The following ARSJ variants were observed in gnomAD, a reference collection of about 807,000 sequenced individuals.
The protein encoded by ARSJ is arylsulfatase family member J.
ARSJ carries 26 observed loss-of-function variants against 35.9 expected under a neutral mutation model. That is an observed-to-expected ratio of 0.72 (90% CI 0.53 to 1.00). The LOEUF (loss-of-function observed/expected upper bound fraction) is 1.00. Ranked by LOEUF, ARSJ falls within the 50% of genes least tolerant of loss-of-function variation. The probability of loss-of-function intolerance (pLI) is 0.00; values close to 1 mark genes in which losing one functional copy is unlikely to be tolerated. For missense variants in ARSJ, 667 were observed against 723.6 expected (o/e 0.92, Z 0.90); for synonymous variants, 294 against 267.6 (o/e 1.10, Z -0.96).
At chr4:113,904,725 G>A (rs1190217412) in intron 1 of ARSJ, among the ~76,000 whole-genome samples, 2 of 152,090 alleles carry the variant, frequency 1.3e-5, no homozygotes, top group East Asian at 3.9e-4. Flanking sequence ...TCCTGACCTC[G>A]TGATCCGCCC....
In ARSJ at chr4:113,902,965, A is replaced by G. The variant is rs1358232842; in HGVS notation, c.1109T>C (p.Val370Ala). 6.2e-7 allele frequency: 1 copy of G among 1,613,980 alleles called. No homozygotes were observed. Among genetic ancestry groups the G allele is most frequent in the East Asian group, 2.2e-5 (1 of 44,884 alleles). Residue 370 changes from valine to alanine, a missense_variant, in exon 2 of 2, where the codon GTG becomes GCG. By Grantham distance (64) the Val-to-Ala change is moderately conservative (BLOSUM62 0). Coordinates refer to ENST00000315366, the MANE Select transcript of ARSJ (RefSeq NM_024590.4). ...AGTGATGTGCACAAGTTCCTTACAC[A>G]CTGTTCCCTTGTTTTTCAGAAGTGG... ...HSPLLKNKGT[V>A]CKELVHITDW...
chr4:113,978,717 T>G lies in ARSJ; in HGVS notation c.118A>C (p.Thr40Pro), dbSNP rs565198570. The change falls in exon 1 of 2, where the codon ACT (threonine) becomes CCT (proline). Residue 40 changes from threonine (T) to proline (P), a missense_variant. Physicochemically the swap from Thr to Pro is conservative, Grantham distance 38. Transcript: ENST00000315366. ...TGGCCCCAGGACAGGTAACCATAAGTGAGGAGGCAGAGGATCCAGAATCCT... is the reference window on the plus strand; with the variant it reads ...TGGCCCCAGGACAGGTAACCATAAGGGAGGAGGCAGAGGATCCAGAATCCT... The part of the protein sequence containing the change: ...LAGFWILCLL[T>P]YGYLSWGQAL... The G allele has an allele frequency of 4.3e-6, 7 of 1,614,176 alleles. No individual in the cohort carries two copies. The South Asian group carries it at 4.4e-5, about 10-fold the overall frequency.
Position 113,901,869 on chromosome 4 carries a change from C to T in ARSJ, c.*405G>A. 2.6e-5 allele frequency: 1 copy of T among 38,036 alleles called. No individual in the cohort carries two copies. 2.4% of individuals were successfully genotyped at this position (38,036 alleles called of 1,614,324 possible). A position where few individuals can be genotyped will look rare whatever the true frequency, so the allele number is the denominator to read the frequency against. ...TTTAATCATGCTACCCTGTAACTTC[C>T]ATCAAATTAGCATGCTTGCGGATGG... On this transcript the variant is annotated 3_prime_UTR_variant, in exon 2 of 2. Transcript: ENST00000315366.
chr4:113,948,066 G>A (rs1332706291), intron 1 of ARSJ, among the ~76,000 whole-genome samples: 1 of 152,054 alleles, frequency 6.6e-6, no homozygotes, highest in African/African-American at 2.4e-5. Context: ...GTGCACACAT[G>A]TAGTTCCAGC....
At chr4:113,937,431 T>A (rs1016042874) in intron 1 of ARSJ, among the ~76,000 whole-genome samples, 1 of 152,022 alleles carries the variant, frequency 6.6e-6, no homozygotes, top group Non-Finnish European at 1.5e-5. Flanking sequence ...ACAGTCAATA[T>A]CATACTGAAT....
chr4:113,937,574 C>T (rs1172537109), intron 1 of ARSJ, among the ~76,000 whole-genome samples: 4 of 151,942 alleles, frequency 2.6e-5, no homozygotes, highest in South Asian at 2.1e-4. Context: ...AAAGTGTATT[C>T]GTATAGAAAC....
At chr4:113,912,511 A>G (rs887007080) in intron 1 of ARSJ, among the ~76,000 whole-genome samples, 8 of 152,166 alleles carry the variant, frequency 5.3e-5, no homozygotes, top group African/African-American at 1.9e-4. Flanking sequence ...GGAAAAAAAA[A>G]GAATATGGTG....
intron 1 of ARSJ, among the ~76,000 whole-genome samples, chr4:113,912,615 T>C (rs745659889): frequency 1.3e-5 from 2 of 152,124 alleles, no homozygotes; most frequent in Non-Finnish European, 2.9e-5. Context: ...ATTATTACAT[T>C]TTTACAAAAA....
chr4:113,909,175 GT>G (rs1276620369), intron 1 of ARSJ, among the ~76,000 whole-genome samples: 3 of 152,104 alleles, frequency 2.0e-5, no homozygotes, highest in Non-Finnish European at 4.4e-5. Context: ...TTCTAGATTT[GT>G]TGCTTTTATA....
In ARSJ at chr4:113,903,454, T is replaced by G. The variant is rs763826673; in HGVS notation, c.620A>C (p.Tyr207Ser). ...FGSLLGSGDYYTHYKCDSPGM... is the reference protein window; with the variant it reads ...FGSLLGSGDYSTHYKCDSPGM... Reference sequence around the variant, plus strand: ...AGGACTGTCACATTTGTAGTGTGTATAGTAATCCCCACTTCCCAAAAGGGA... The same window carrying G: ...AGGACTGTCACATTTGTAGTGTGTAGAGTAATCCCCACTTCCCAAAAGGGA... The change falls in exon 2 of 2, where the codon TAT (tyrosine) becomes TCT (serine). Residue 207 changes from tyrosine to serine, a missense_variant. Physicochemically the swap from Tyr to Ser is moderately radical, Grantham distance 144. Transcript: ENST00000315366. The G allele has an allele frequency of 9.9e-6, 16 of 1,614,160 alleles. No homozygotes were observed. The Middle Eastern group carries it at 2.5e-3, about 250-fold the overall frequency.
At chr4:113,951,561 T>C (rs1725867357) in intron 1 of ARSJ, among the ~76,000 whole-genome samples, 1 of 152,130 alleles carries the variant, frequency 6.6e-6, no homozygotes, top group Non-Finnish European at 1.5e-5. Context: ...TGGCACACGG[T>C]GAACTTGCAG....
intron 1 of ARSJ, among the ~76,000 whole-genome samples, chr4:113,974,171 A>G (rs1727449932): frequency 6.6e-6 from 1 of 152,296 alleles, no homozygotes; most frequent in East Asian, 1.9e-4. Flanking sequence ...CAAAAACAAA[A>G]CAATAAAACT....
chr4:113,922,278 A>G (rs1159409838), intron 1 of ARSJ, among the ~76,000 whole-genome samples: 1 of 152,168 alleles, frequency 6.6e-6, no homozygotes, highest in African/African-American at 2.4e-5. Flanking sequence ...TTGTTATTCA[A>G]TTTTAAAAAG....
intron 1 of ARSJ, among the ~76,000 whole-genome samples, chr4:113,969,315 A>T (rs1288533135): frequency 6.6e-6 from 1 of 152,090 alleles, no homozygotes; most frequent in East Asian, 1.9e-4. Context: ...GCAGAACACC[A>T]TGCCAGATAA....
chr4:113,961,207 A>G (rs902192499), intron 1 of ARSJ, among the ~76,000 whole-genome samples: 4 of 152,114 alleles, frequency 2.6e-5, no homozygotes, highest in African/African-American at 9.7e-5. Context: ...CTTACCCAAC[A>G]ACATAACCTG....
At position 113,955,437 on chromosome 4, in the gene ARSJ, G is replaced by GA. The variant is rs74268394; in HGVS notation, c.398+22999dup. Among the ~76,000 whole-genome samples, 229 of 139,664 alleles carry GA rather than the reference G, an allele frequency of 1.6e-3. 2 individuals carry two copies. Among genetic ancestry groups the GA allele is most frequent in the East Asian group, 0.015 (74 of 4,876 alleles). The allele number at this position is 139,664 out of a possible 152,430, so 91.6% of individuals were successfully genotyped here. On this transcript the variant is annotated intron_variant, in intron 1 of 1. Coordinates refer to ENST00000315366, the MANE Select transcript of ARSJ (RefSeq NM_024590.4). ...CTGTATAACCAATCAGGATATTTAG[G>GA]AAAAAAAAAAAAAGAATCAGTGGCA... is the stretch of plus-strand genomic sequence containing the variant.
intron 1 of ARSJ, among the ~76,000 whole-genome samples, chr4:113,927,806 C>A (rs910905514): frequency 9.2e-5 from 14 of 152,246 alleles, no homozygotes; most frequent in African/African-American, 3.4e-4. Flanking sequence ...GGAATCACCA[C>A]CCCTGCGTCT....
At chr4:113,939,904 G>A (rs985763589) in intron 1 of ARSJ, among the ~76,000 whole-genome samples, 3 of 152,022 alleles carry the variant, frequency 2.0e-5, no homozygotes, top group African/African-American at 4.8e-5. Flanking sequence ...TTCTTTTGCT[G>A]TGCAGAAGCT....
chr4:113,910,025 A>C (rs769983570), intron 1 of ARSJ, among the ~76,000 whole-genome samples: 17 of 152,190 alleles, frequency 1.1e-4, no homozygotes, highest in Non-Finnish European at 2.4e-4. Flanking sequence ...TGCTTGTATT[A>C]CCTTGGCTAA....
Sources: gnomAD v4.1 joint callset for allele counts (sites outside exome capture counted in the v4.1 genomes callset) on GRCh38, gnomAD v4.1.1 for gene constraint, MANE v1.5 for transcripts, NCBI Gene and HGNC (gene_info 2026-07-23, HGNC 2026-07-21) for gene names.